The following CILK1 variants were observed in gnomAD, a reference collection of about 807,000 sequenced individuals.
The protein encoded by CILK1 is serine/threonine-protein kinase ICK.
CILK1 carries 47 observed loss-of-function variants against 79.2 expected under a neutral mutation model. The ratio of observed to expected loss-of-function variants is 0.59; its 90% CI spans 0.47 to 0.76. The LOEUF is 0.76. Ranked by LOEUF, CILK1 falls within the 30% of genes least tolerant of loss-of-function variation. CILK1 has a pLI of 0.00. For synonymous variants in CILK1, 266 were observed against 275.9 expected, an observed-to-expected ratio of 0.96 and a Z score of 0.36; for missense variants, 660 against 769.5, an observed-to-expected ratio of 0.86 and a Z score of 1.68.
chr6:53,055,635 T>C (rs1354994734), intron 1 of CILK1, among the ~76,000 whole-genome samples: 1 of 152,146 alleles, frequency 6.6e-6, no homozygotes, highest in Non-Finnish European at 1.5e-5. Context: ...ACCTTTACCA[T>C]CCCTCTCCTC....
intron 1 of CILK1, among the ~76,000 whole-genome samples, chr6:53,048,471 G>A (rs1767255219): frequency 6.6e-6 from 1 of 152,216 alleles, no homozygotes; most frequent in Non-Finnish European, 1.5e-5. Flanking sequence ...TAGACAAGAA[G>A]CACCAGTCAG....
chr6:53,004,032 C>T lies in CILK1; in HGVS notation c.*1117G>A, dbSNP rs557023142. On this transcript the variant is annotated 3_prime_UTR_variant, in exon 14 of 14. Transcript: ENST00000676107. ...CTCTGCCCAACAAATAAAGTTCTCACTCTTGAAAGAAACTACACCAGGGTT... is the reference window on the plus strand; with the variant it reads ...CTCTGCCCAACAAATAAAGTTCTCATTCTTGAAAGAAACTACACCAGGGTT... 2.0e-5 allele frequency: 3 copies of T among 152,806 alleles called. No homozygotes were observed. The East Asian group carries it at 5.8e-4, about 29-fold the overall frequency. 9.5% of individuals were successfully genotyped at this position (152,806 alleles called of 1,614,324 possible). A position where few individuals can be genotyped will look rare whatever the true frequency, so the allele number is the denominator to read the frequency against.
At chr6:53,008,278 C>A (rs1008388918) in intron 12 of CILK1, among the ~76,000 whole-genome samples, 1 of 151,770 alleles carries the variant, frequency 6.6e-6, no homozygotes, top group African/African-American at 2.4e-5. Flanking sequence ...ATTATCTTCA[C>A]ATAAATTTTA....
chr6:53,038,272 G>A (rs1485955184), intron 2 of CILK1, among the ~76,000 whole-genome samples: 1 of 152,144 alleles, frequency 6.6e-6, no homozygotes, highest in Non-Finnish European at 1.5e-5. Flanking sequence ...GCTCTGGAAG[G>A]AAATTGCTCA....
chr6:53,048,401 C>T (rs912831718), intron 1 of CILK1, among the ~76,000 whole-genome samples: 10 of 152,138 alleles, frequency 6.6e-5, no homozygotes, highest in African/African-American at 2.4e-4. Context: ...TTCTATTATT[C>T]ACATTAGTGA....
chr6:53,042,521 C>A (rs115768538), intron 1 of CILK1, among the ~76,000 whole-genome samples: 294 of 152,324 alleles, frequency 1.9e-3, no homozygotes, highest in African/African-American at 6.8e-3. Flanking sequence ...ATTATCACTA[C>A]TAGACATTCA....
intron 5 of CILK1, among the ~76,000 whole-genome samples, chr6:53,021,556 A>G (rs192643247): frequency 1.3e-5 from 2 of 152,234 alleles, no homozygotes; most frequent in Admixed American, 1.3e-4. Context: ...CACTCTACCT[A>G]AAGAGAGAAA....
intron 5 of CILK1, among the ~76,000 whole-genome samples, chr6:53,020,353 T>C (rs1353691050): frequency 6.6e-6 from 1 of 152,194 alleles, no homozygotes; most frequent in Non-Finnish European, 1.5e-5. Flanking sequence ...CTAGACATCA[T>C]TTAATGTGGC....
At chr6:53,007,109 T>C (rs979532991) in intron 12 of CILK1, among the ~76,000 whole-genome samples, 2 of 152,240 alleles carry the variant, frequency 1.3e-5, no homozygotes, top group African/African-American at 4.8e-5. Context: ...GGTGAATGAA[T>C]ATAATTCTTA....
At chr6:53,052,728 CA>C (rs199639452) in intron 1 of CILK1, among the ~76,000 whole-genome samples, 10,189 of 131,730 alleles carry the variant, frequency 0.077, 388 homozygotes, top group Middle Eastern at 0.13. Context: ...GATTCTGTCT[CA>C]AAAAAAAAAA....
At chr6:53,034,412 A>G (rs994886888) in intron 3 of CILK1, among the ~76,000 whole-genome samples, 1 of 152,230 alleles carries the variant, frequency 6.6e-6, no homozygotes, top group Non-Finnish European at 1.5e-5. Flanking sequence ...CTTTATGAAG[A>G]TGTATTTCCA....
In CILK1 at chr6:53,041,257, A is replaced by T; in HGVS notation, c.-21T>A. ...TTCATGGTGTGCCTGCTCAGGCCGG[A>T]CACTCATCTCACGGCCGAAGTGGTT... On this transcript the variant is annotated 5_prime_UTR_variant, in exon 2 of 14. Coordinates refer to ENST00000676107, the MANE Select transcript of CILK1 (RefSeq NM_014920.5). 6.4e-7 allele frequency: 1 copy of T among 1,567,876 alleles called. No homozygotes were observed. The highest frequency in any genetic ancestry group is 2.2e-5 in the East Asian group (1 of 44,676).
At chr6:53,009,594 T>C (rs1214430600) in intron 11 of CILK1, 27 bp from the exon 12 acceptor site, 6 of 1,575,538 alleles carry the variant, frequency 3.8e-6, no homozygotes, top group Non-Finnish European at 5.2e-6. Flanking sequence ...GATTTTAAAA[T>C]GCAAAATACA....
intron 1 of CILK1, among the ~76,000 whole-genome samples, chr6:53,057,504 AT>A (rs1444123454): frequency 6.6e-6 from 1 of 152,258 alleles, no homozygotes; most frequent in Admixed American, 6.5e-5. Flanking sequence ...AGTTACTTTC[AT>A]GATATTGTCA....
chr6:53,029,423 A>C (rs1341738377), intron 5 of CILK1, among the ~76,000 whole-genome samples: 1 of 152,180 alleles, frequency 6.6e-6, no homozygotes. Flanking sequence ...TCACAATTTG[A>C]CTCAGTCTTG....
intron 5 of CILK1, among the ~76,000 whole-genome samples, chr6:53,019,689 C>A (rs780998663): frequency 6.6e-6 from 1 of 152,096 alleles, no homozygotes; most frequent in Non-Finnish European, 1.5e-5. Context: ...ATATCACTGA[C>A]GGCATCTCAT....
intron 1 of CILK1, among the ~76,000 whole-genome samples, chr6:53,053,160 T>A (rs562192185): frequency 2.0e-4 from 30 of 152,244 alleles, no homozygotes; most frequent in African/African-American, 7.0e-4. Flanking sequence ...CACACCCAGC[T>A]TCCTTGAGTC....
chr6:53,016,248 A>G lies in CILK1; in HGVS notation c.666T>C (p.Thr222=), dbSNP rs139739780. Residue 222 remains threonine, a splice_region_variant and synonymous_variant, in exon 8 of 14, where the codon ACT becomes ACC. Transcript: ENST00000676107. ...AAAGTTGATAGCCTTCAGGCCAGTC[A>G]GTCTGAAAGAAGGAAAAGATAGAAA... ...ICQVLGTPKK[T]DWPEGYQLSS... The G allele has an allele frequency of 2.3e-4, 372 of 1,614,054 alleles. 3 individuals are homozygous for G. In the African/African-American group the frequency reaches 3.8e-3, roughly 17 times the overall value.
intron 5 of CILK1, among the ~76,000 whole-genome samples, chr6:53,022,862 C>T (rs1161406924): frequency 6.6e-6 from 1 of 152,140 alleles, no homozygotes; most frequent in Non-Finnish European, 1.5e-5. Context: ...ATGGACATGA[C>T]TCTTGCCCTC....
Sources: allele counts gnomAD v4.1 joint callset (sites outside exome capture counted in the v4.1 genomes callset), GRCh38; gene constraint gnomAD v4.1.1; transcripts MANE v1.5; gene names NCBI Gene and HGNC (gene_info 2026-07-23, HGNC 2026-07-21).